SYNE1: variants seen among roughly 807,000 people sequenced by gnomAD.
The protein encoded by SYNE1 is spectrin repeat containing nuclear envelope protein 1.
SYNE1 carries 616 observed loss-of-function variants against 1,111.0 expected under a neutral mutation model. The ratio of observed to expected loss-of-function variants is 0.55; its 90% confidence interval spans 0.52 to 0.59. SYNE1 has a LOEUF of 0.59. SYNE1 is among the 20% of genes least tolerant of loss of function. The pLI is 0.00. For synonymous variants in SYNE1, 3,855 were observed against 3,825.8 expected (o/e 1.01, Z -0.28); for missense variants, 10,006 against 10,417.0 (o/e 0.96, Z 1.72).
chr6:152,255,820 C>T (rs1174175893), intron 102 of SYNE1, 74 bp from the exon 103 acceptor site: 2 of 1,529,018 alleles, frequency 1.3e-6, no homozygotes, highest in African/African-American at 2.7e-5. Context: ...CAGGATGGGG[C>T]CGGTGCAGTG....
At chr6:152,131,557 A>C (rs1414842206) in intron 144 of SYNE1, among the ~76,000 whole-genome samples, 1 of 152,188 alleles carries the variant, frequency 6.6e-6, no homozygotes, top group East Asian at 1.9e-4. Flanking sequence ...TTGTCCTTTC[A>C]TCCTCTTTGT....
Position 152,416,732 on chromosome 6 carries a change from G to T in SYNE1, c.5705C>A (p.Ser1902Tyr). 1 of 1,614,200 alleles carries T rather than the reference G, an allele frequency of 6.2e-7. No individual in the cohort carries two copies. Among genetic ancestry groups the T allele is most frequent in the Non-Finnish European group, 8.5e-7 (1 of 1,180,034 alleles). Residue 1902 changes from serine (S) to tyrosine (Y), a missense_variant, in exon 41 of 146, where the codon TCT (serine) becomes TAT (tyrosine). Physicochemically the swap from Ser to Tyr is moderately radical, Grantham distance 144 (BLOSUM62 -2). Around this residue, in one of 7 missense-constraint regions of SYNE1, gnomAD observed 4,955 missense variants for 5,017.2 expected, o/e 0.99. Coordinates refer to ENST00000367255, the MANE Select transcript of SYNE1 (RefSeq NM_182961.4). ...ATTGAGGTCCTTTTCTATCAAATCA[G>T]ACTCGTTCTTATTCATACTGTTGGT... Reference protein sequence around the residue: ...EATNSMNKNESDLIEKDLNDA... With the variant: ...EATNSMNKNEYDLIEKDLNDA...
chr6:152,353,758 G>GT lies in SYNE1; in HGVS notation c.10927-15dup, dbSNP rs774317875. ...TTCGTGCCACTTCTGAAATGACAAA[G>GT]TATCGAAGGGAAAGATTCAATCTTA... On this transcript the variant is annotated splice_polypyrimidine_tract_variant and intron_variant, in intron 67 of 145. Transcript: ENST00000367255. 1.2e-6 allele frequency: 2 copies of GT among 1,613,464 alleles called. No homozygotes were observed. The highest frequency in any genetic ancestry group is 3.3e-5 in the Admixed American group (2 of 60,020).
intron 49 of SYNE1, among the ~76,000 whole-genome samples, chr6:152,398,313 C>T (rs901090021): frequency 1.3e-5 from 2 of 152,026 alleles, no homozygotes; most frequent in Admixed American, 6.6e-5. Flanking sequence ...TCATATAATA[C>T]AGATACAATT....
In SYNE1 at chr6:152,511,074, A is replaced by G. The variant is rs763555760; in HGVS notation, c.339T>C (p.Asp113=). The G allele has an allele frequency of 1.9e-6, 3 of 1,614,058 alleles. No homozygotes were observed. In the Admixed American group the frequency reaches 5.0e-5, roughly 27 times the overall value. ...CTATTGAGGGTCGGCCATCAGCTAT[A>G]TCGGTGGAGTTAATGTTGACTAATT... is the stretch of plus-strand genomic sequence containing the variant. The part of the protein sequence containing the change: ...KIKLVNINST[D]IADGRPSIVL... Residue 113 remains aspartate, a synonymous_variant, in exon 7 of 146, where the codon GAT becomes GAC. Transcript: ENST00000367255.
In SYNE1 at chr6:152,219,067, A is replaced by T. The variant is rs756758310; in HGVS notation, c.21980T>A (p.Leu7327His). 1.4e-5 allele frequency: 23 copies of T among 1,614,140 alleles called. No individual in the cohort carries two copies. Among genetic ancestry groups the T allele is most frequent in the Non-Finnish European group, 1.7e-5 (20 of 1,180,026 alleles). The change falls in exon 120 of 146, where the codon CTC becomes CAC. Residue 7327 changes from leucine to histidine, a missense_variant. This residue lies in a region of SYNE1 where 2,182 missense variants were observed against 2,287.8 expected (regional missense o/e 0.95). Coordinates refer to ENST00000367255, the MANE Select transcript of SYNE1 (RefSeq NM_182961.4). ...GGCACACAAGTGTTGACTCAAAGAG[A>T]GTTGATCCGATTGAATAGCTGATGC... ...SAASAIQSDQ[L>H]SLSQHLCALE... is the part of the protein sequence containing the mutation.
intron 130 of SYNE1, among the ~76,000 whole-genome samples, chr6:152,170,589 G>T (rs1207729057): frequency 6.6e-6 from 1 of 152,156 alleles, no homozygotes; most frequent in Non-Finnish European, 1.5e-5. Flanking sequence ...ACACCCTTAG[G>T]TAATACCAGC....
chr6:152,267,808 G>A (rs954876895), intron 100 of SYNE1, among the ~76,000 whole-genome samples: 15 of 152,132 alleles, frequency 9.9e-5, no homozygotes, highest in African/African-American at 3.6e-4. Context: ...ATGAACTCAT[G>A]AGCATCTTTG....
chr6:152,463,548 A>G, intron 18 of SYNE1, 31 bp from the exon 19 acceptor site: 3 of 1,571,560 alleles, frequency 1.9e-6, no homozygotes, highest in Non-Finnish European at 2.6e-6. Context: ...AATATCATAA[A>G]CCATAAACCA....
chr6:152,551,414 T>C (rs2099346136), intron 3 of SYNE1, among the ~76,000 whole-genome samples: 1 of 152,170 alleles, frequency 6.6e-6, no homozygotes, highest in African/African-American at 2.4e-5. Flanking sequence ...CCAGATCAAT[T>C]TGCTGATTAT....
In SYNE1 at chr6:152,352,867, A is replaced by G. The variant is rs188382003; in HGVS notation, c.11253+396T>C. ...AGGTTCTAAAAGTCTTGATCAATATATCATTTCCAAATCAGAGACTTGAAA... is the reference window on the plus strand; with the variant it reads ...AGGTTCTAAAAGTCTTGATCAATATGTCATTTCCAAATCAGAGACTTGAAA... On this transcript the variant is annotated intron_variant, in intron 69 of 145. Coordinates refer to ENST00000367255, the MANE Select transcript of SYNE1 (RefSeq NM_182961.4). Among the ~76,000 whole-genome samples the G allele has an allele frequency of 6.6e-5, 10 of 152,316 alleles. No homozygotes were observed. In the East Asian group the frequency reaches 1.5e-3, roughly 23 times the overall value.
rs375707429 is a variant in SYNE1 at position 152,336,976 on chromosome 6, G to T, written c.12393C>A (p.Gly4131=). ...KLVQAQNLTQ[G]WEEIKHLKSE... ...ACTTCAGGTGCTTGATCTCTTCCCA[G>T]CCCTGAGTTAAGTTCTGGGCCTGGA... Residue 4131 remains glycine (G), a synonymous_variant, in exon 76 of 146, where the codon GGC becomes GGA. Transcript: ENST00000367255. 2.0e-5 allele frequency: 32 copies of T among 1,613,846 alleles called. No individual in the cohort carries two copies. In the African/African-American group the frequency reaches 4.3e-4, roughly 22 times the overall value.
chr6:152,490,057 C>G (rs745653953), intron 11 of SYNE1, among the ~76,000 whole-genome samples: 1 of 152,060 alleles, frequency 6.6e-6, no homozygotes, highest in Non-Finnish European at 1.5e-5. Context: ...CAATCAATAG[C>G]AGATTGAAAA....
intron 5 of SYNE1, 30 bp from the exon 6 acceptor site, chr6:152,520,572 A>G (rs748284034): frequency 5.0e-6 from 8 of 1,606,094 alleles, no homozygotes; most frequent in Non-Finnish European, 4.3e-6. Context: ...AAAGGGAATG[A>G]GACAAAATCT....
At chr6:152,501,798 C>T (rs75182595) in intron 10 of SYNE1, among the ~76,000 whole-genome samples, 1,938 of 150,128 alleles carry the variant, frequency 0.013, 36 homozygotes, top group African/African-American at 0.044. Context: ...TTCATAAAAG[C>T]ATTGCTTATA....
chr6:152,413,590 T>TA, intron 41 of SYNE1, 59 bp from the exon 42 acceptor site: 3 of 1,564,156 alleles, frequency 1.9e-6, no homozygotes, highest in Non-Finnish European at 2.6e-6. Flanking sequence ...TGAATATTTC[T>TA]TCTCCGTAAG....
At chr6:152,174,159 C>T (rs7774467) in intron 130 of SYNE1, among the ~76,000 whole-genome samples, 4,402 of 152,228 alleles carry the variant, frequency 0.029, 167 homozygotes, top group African/African-American at 0.09. Flanking sequence ...AACTGGATTA[C>T]GTGGAAATGT....
At chr6:152,367,594 C>T in intron 61 of SYNE1, 1 of 591,076 alleles carries the variant, frequency 1.7e-6, no homozygotes, top group Non-Finnish European at 3.0e-6. Context: ...AAAAAAGTTA[C>T]AATTTTATGC....
chr6:152,227,801 G>A (rs961110400), intron 115 of SYNE1, among the ~76,000 whole-genome samples: 1 of 152,080 alleles, frequency 6.6e-6, no homozygotes, highest in Admixed American at 6.5e-5. Context: ...GCACACGTAT[G>A]TTGGTAGAAG....
Sources: allele counts gnomAD v4.1 joint callset (sites outside exome capture counted in the v4.1 genomes callset), GRCh38; gene constraint gnomAD v4.1.1; regional missense constraint gnomAD v4.1.1; transcripts MANE v1.5; gene names NCBI Gene and HGNC (gene_info 2026-07-23, HGNC 2026-07-21).